Variants in PTPRN2 observed in about 807,000 individuals in gnomAD.
PTPRN2 encodes the protein protein tyrosine phosphatase receptor type N2, also known as receptor-type tyrosine-protein phosphatase N2.
A neutral mutation model predicts 118.8 loss-of-function variants in PTPRN2; 74 were observed. The ratio of observed to expected loss-of-function variants is 0.62; its 90% CI spans 0.52 to 0.76. PTPRN2 has a LOEUF of 0.76. PTPRN2 is among the 30% of genes least tolerant of loss of function. The pLI, the probability that PTPRN2 is intolerant of heterozygous loss-of-function variation, is 0.00. For missense variants in PTPRN2, 1,481 were observed against 1,394.4 expected (o/e 1.06, Z -0.99); for synonymous variants, 641 against 608.0 (o/e 1.05, Z -0.80).
chr7:158,094,444 G>T (rs546865480), intron 10 of PTPRN2, among the ~76,000 whole-genome samples: 67 of 152,122 alleles, frequency 4.4e-4, no homozygotes, highest in South Asian at 3.1e-3. Context: ...CCAGTAGCTG[G>T]GATTACAGGC....
chr7:158,139,789 A>G (rs1306597534), intron 6 of PTPRN2, among the ~76,000 whole-genome samples: 1 of 152,232 alleles, frequency 6.6e-6, no homozygotes, highest in East Asian at 1.9e-4. Context: ...AACGTATTTC[A>G]TACAATGTGC....
At chr7:157,927,414 G>A (rs1585030503) in intron 11 of PTPRN2, among the ~76,000 whole-genome samples, 2 of 120,488 alleles carry the variant, frequency 1.7e-5, no homozygotes, top group Non-Finnish European at 1.7e-5. Flanking sequence ...CCGTCTGAGA[G>A]CAGAGGCCTC....
At chr7:158,017,157 T>C (rs985132143) in intron 11 of PTPRN2, among the ~76,000 whole-genome samples, 1 of 152,242 alleles carries the variant, frequency 6.6e-6, no homozygotes. Context: ...TTTAAAACGA[T>C]AGCAAGGTGC....
intron 11 of PTPRN2, among the ~76,000 whole-genome samples, chr7:157,920,536 C>T (rs1488349787): frequency 4.6e-5 from 7 of 152,308 alleles, no homozygotes; most frequent in South Asian, 2.1e-4. Context: ...TTCTAGCCAG[C>T]GAGGACAAAT....
chr7:157,682,925 T>C lies in PTPRN2; in HGVS notation c.1801A>G (p.Lys601Glu). 6.2e-7 allele frequency: 1 copy of C among 1,612,654 alleles called. No individual in the cohort carries two copies. The highest frequency in any genetic ancestry group is 8.5e-7 in the Non-Finnish European group (1 of 1,178,922). The part of the protein sequence containing the change: ...QTGVGSKSKL[K>E]FLPPQAEQED... ...TGCTCCGCCTGAGGAGGCAGGAACT[T>C]GAGTTTGCTTTTCTGCAGAACAAGG... The change falls in exon 13 of 23, where the codon AAG (lysine) becomes GAG (glutamate). Residue 601 changes from lysine (K) to glutamate (E), a missense_variant. Transcript: ENST00000389418.
At chr7:157,984,006 C>G (rs1803518594) in intron 11 of PTPRN2, among the ~76,000 whole-genome samples, 1 of 152,076 alleles carries the variant, frequency 6.6e-6, no homozygotes, top group Non-Finnish European at 1.5e-5. Flanking sequence ...CTTCCTGACT[C>G]GCAGGGGGCC....
At chr7:158,052,349 G>C (rs1208407323) in intron 11 of PTPRN2, among the ~76,000 whole-genome samples, 3 of 152,254 alleles carry the variant, frequency 2.0e-5, no homozygotes, top group Admixed American at 6.5e-5. Context: ...GAAAGTTAAA[G>C]ACAGAGAGAA....
At chr7:158,184,958 G>A (rs1374963104) in intron 5 of PTPRN2, among the ~76,000 whole-genome samples, 1 of 152,192 alleles carries the variant, frequency 6.6e-6, no homozygotes, top group Non-Finnish European at 1.5e-5. Context: ...GTCATGGATG[G>A]ATGGATGCTG....
intron 12 of PTPRN2, among the ~76,000 whole-genome samples, chr7:157,791,851 G>A (rs1804523593): frequency 6.6e-6 from 1 of 152,242 alleles, no homozygotes; most frequent in South Asian, 2.1e-4. Context: ...GCAACGCCGT[G>A]CAGCACGCTC....
At chr7:157,994,859 G>A (rs13311316) in intron 11 of PTPRN2, among the ~76,000 whole-genome samples, 8 of 10,226 alleles carry the variant, frequency 7.8e-4, no homozygotes, top group African/African-American at 2.1e-3. Context: ...CCAGCTTACA[G>A]CTCCTTGTTC....
intron 12 of PTPRN2, among the ~76,000 whole-genome samples, chr7:157,849,391 A>G (rs928866879): frequency 2.6e-5 from 4 of 152,138 alleles, no homozygotes; most frequent in Non-Finnish European, 4.4e-5. Flanking sequence ...GCGTCCTCTC[A>G]GGGTCACACC....
chr7:158,242,152 G>A (rs1484962632), intron 3 of PTPRN2, among the ~76,000 whole-genome samples: 2 of 152,110 alleles, frequency 1.3e-5, no homozygotes, highest in African/African-American at 4.8e-5. Flanking sequence ...TTCATCCCTG[G>A]AGGGAAAGGA....
chr7:158,198,668 G>C (rs1330724121), intron 4 of PTPRN2, among the ~76,000 whole-genome samples: 1 of 152,106 alleles, frequency 6.6e-6, no homozygotes, highest in Non-Finnish European at 1.5e-5. Context: ...CTGGTTCTCA[G>C]GTCCTCCTTA....
chr7:157,589,944 A>G (rs1442253154), intron 17 of PTPRN2, among the ~76,000 whole-genome samples: 1 of 152,218 alleles, frequency 6.6e-6, no homozygotes, highest in Non-Finnish European at 1.5e-5. Context: ...TGCCTCCTGC[A>G]GTGATTTTCA....
rs1290874329 is a variant in PTPRN2, at chr7:158,178,572, T to C, written c.550-11281A>G. ...TGAGTAGTATTCCATGGTGTATATA[T>C]ATACTACATTTTCTTTCTTTTTTTT... On this transcript the variant is annotated intron_variant, in intron 5 of 22. Coordinates refer to ENST00000389418, the MANE Select transcript of PTPRN2 (RefSeq NM_002847.5). Among the ~76,000 whole-genome samples, 5 of 150,290 alleles carry C rather than the reference T, an allele frequency of 3.3e-5. 1 individual carries two copies. The highest frequency in any genetic ancestry group is 2.0e-4 in the Admixed American group (3 of 14,890).
intron 12 of PTPRN2, among the ~76,000 whole-genome samples, chr7:157,695,454 TTAC>T (rs903924664): frequency 6.6e-6 from 1 of 152,074 alleles, no homozygotes; most frequent in African/African-American, 2.4e-5. Flanking sequence ...TAAAAAGTAT[TTAC>T]TATTATAATA....
intron 11 of PTPRN2, among the ~76,000 whole-genome samples, chr7:158,040,987 T>C (rs909485633): frequency 6.6e-6 from 1 of 152,220 alleles, no homozygotes; most frequent in Admixed American, 6.5e-5. Flanking sequence ...CGCCTCGGCC[T>C]CCCAAAGTGC....
intron 3 of PTPRN2, among the ~76,000 whole-genome samples, chr7:158,213,484 C>T (rs1002970318): frequency 6.6e-6 from 1 of 152,080 alleles, no homozygotes; most frequent in Non-Finnish European, 1.5e-5. Flanking sequence ...ATTAGGATGG[C>T]CTCCAACTTA....
chr7:157,725,293 ACCTACACCCAGAGGAGTGTGGCCAGACCC>A lies in PTPRN2; in HGVS notation c.1789-42385_1789-42357del, dbSNP rs1563041978. ...CCCTGGCCTCCCAGGAGAACTGGAT[ACCTACACCCAGAGGAGTGTGGCCAGACCC>A]TCGCCTCCCAGGAGAACTGGATATC... On this transcript the variant is annotated intron_variant, in intron 12 of 22. Coordinates refer to ENST00000389418, the MANE Select transcript of PTPRN2 (RefSeq NM_002847.5). Among the ~76,000 whole-genome samples, 27 of 129,978 alleles carry A rather than the reference ACCTACACCCAGAGGAGTGTGGCCAGACCC, an allele frequency of 2.1e-4. 2 individuals are homozygous for A. The highest frequency in any genetic ancestry group is 8.2e-4 in the African/African-American group (24 of 29,188). The allele number at this position is 129,978 out of a possible 152,430, so 85.3% of individuals were successfully genotyped here. A position where few individuals can be genotyped will look rare whatever the true frequency, so the allele number is the denominator to read the frequency against.
Sources: allele counts gnomAD v4.1 joint callset (sites outside exome capture counted in the v4.1 genomes callset), GRCh38; gene constraint gnomAD v4.1.1; transcripts MANE v1.5; gene names NCBI Gene and HGNC (gene_info 2026-07-23, HGNC 2026-07-21).